Variants in DCP1B observed in about 807,000 individuals in gnomAD.
DCP1B encodes mRNA-decapping enzyme 1B.
DCP1B carries 47 observed loss-of-function variants against 60.5 expected under a neutral mutation model. The ratio of observed to expected loss-of-function variants is 0.78; its 90% CI spans 0.61 to 0.99. The LOEUF (loss-of-function observed/expected upper bound fraction) is 0.99, where lower values mean the gene tolerates loss of function less well. Among genes scored for constraint, DCP1B ranks in the 50% least tolerant of loss-of-function variants. DCP1B has a pLI of 0.00. For synonymous variants in DCP1B, 267 were observed against 280.3 expected, an observed-to-expected ratio of 0.95 and a Z score of 0.47; for missense variants, 725 against 756.8, an observed-to-expected ratio of 0.96 and a Z score of 0.49.
At chr12:1,944,415 C>T (rs1253437501), downstream of DCP1B, among the ~76,000 whole-genome samples, 1 of 152,130 alleles carries the variant, frequency 6.6e-6, no homozygotes, top group African/African-American at 2.4e-5. Flanking sequence ...ACTTTCTTCA[C>T]AGAATTAGAA....
chr12:1,966,455 C>T (rs2031298108), intron 4 of DCP1B, among the ~76,000 whole-genome samples: 11 of 152,180 alleles, frequency 7.2e-5, no homozygotes, highest in Admixed American at 7.2e-4. Context: ...TAACTTTCAG[C>T]TCACATTCTT....
chr12:2,002,032 A>G (rs1039520471), intron 1 of DCP1B, among the ~76,000 whole-genome samples: 1 of 152,254 alleles, frequency 6.6e-6, no homozygotes, highest in Non-Finnish European at 1.5e-5. Flanking sequence ...TCCTGGCAAC[A>G]GGGAGTAGGT....
intron 7 of DCP1B, among the ~76,000 whole-genome samples, chr12:1,951,379 A>G (rs2030664311): frequency 2.0e-5 from 3 of 152,248 alleles, no homozygotes; most frequent in South Asian, 4.1e-4. Flanking sequence ...TGTACTTTCA[A>G]TGAATGTGTT....
In DCP1B at chr12:1,962,430, T is replaced by C. The variant is rs1198748754; in HGVS notation, c.522+3128A>G. On this transcript the variant is annotated intron_variant, in intron 5 of 8. Coordinates refer to ENST00000280665, the MANE Select transcript of DCP1B (RefSeq NM_152640.5). This position sits in a 1 kb window ranked among gnomAD's most constrained non-coding sequence, Gnocchi z 4.4. ...TAAAAAACAGAAACAATACAAGGTA[T>C]GTGTGTGTTGAGAGGAGGGAGGGAA... Among the ~76,000 whole-genome samples the C allele has an allele frequency of 2.0e-5, 3 of 152,156 alleles. No individual in the cohort carries two copies. The highest frequency in any genetic ancestry group is 4.4e-5 in the Non-Finnish European group (3 of 68,022).
rs1053154019 is a variant in DCP1B at position 1,964,182 on chromosome 12, AT to A, written c.522+1375del. On this transcript the variant is annotated intron_variant, in intron 5 of 8. Transcript: ENST00000280665. ...AGCAGCGGGCTTTGAAGTCACTCTA[AT>A]TTTTTTTCTAAGTAATTATGTGACA... Among the ~76,000 whole-genome samples the A allele has an allele frequency of 6.6e-5, 10 of 152,170 alleles. No individual in the cohort carries two copies. The South Asian group carries it at 1.2e-3, about 19-fold the overall frequency.
intron 3 of DCP1B, among the ~76,000 whole-genome samples, chr12:1,972,256 A>G (rs1055577992): frequency 1.3e-5 from 2 of 152,242 alleles, no homozygotes; most frequent in Non-Finnish European, 2.9e-5. Flanking sequence ...TCTTCCTCAC[A>G]AGAGTAGAAT....
chr12:1,946,462 C>T (rs563757375), intron 8 of DCP1B, among the ~76,000 whole-genome samples, 176 bp from the exon 9 acceptor site: 7 of 152,306 alleles, frequency 4.6e-5, no homozygotes, highest in South Asian at 2.1e-4. Flanking sequence ...ACGGCAAGGC[C>T]GGACAGAGCT....
chr12:1,951,873 G>A (rs1447530483), intron 7 of DCP1B, among the ~76,000 whole-genome samples: 1 of 152,166 alleles, frequency 6.6e-6, no homozygotes, highest in Non-Finnish European at 1.5e-5. Flanking sequence ...TGATTTCAAG[G>A]CAGACCATAC....
downstream of DCP1B, among the ~76,000 whole-genome samples, chr12:1,942,495 T>G (rs949148074): frequency 6.6e-6 from 1 of 152,246 alleles, no homozygotes; most frequent in Non-Finnish European, 1.5e-5. Flanking sequence ...TACATTCTTC[T>G]CAGTACCACA....
intron 3 of DCP1B, among the ~76,000 whole-genome samples, chr12:1,969,661 C>A (rs1392392985): frequency 2.7e-5 from 4 of 149,754 alleles, no homozygotes; most frequent in African/African-American, 9.8e-5. Context: ...TATCTTGAAA[C>A]TTCATATTCA....
In DCP1B at chr12:1,946,179, G is replaced by C. The variant is rs370972057; in HGVS notation, c.*27C>G. 5 of 1,537,556 alleles carry C rather than the reference G, an allele frequency of 3.3e-6. No homozygotes were observed. In the African/African-American group the frequency reaches 7.0e-5, roughly 21 times the overall value. On this transcript the variant is annotated 3_prime_UTR_variant, in exon 9 of 9. Coordinates refer to ENST00000280665, the MANE Select transcript of DCP1B (RefSeq NM_152640.5). ...TGTGCCGGAGTTCTAGAAGGACCTT[G>C]AAAATCAGTTTTAAAAGGCCTTGCT... is the stretch of plus-strand genomic sequence containing the variant.
At chr12:1,987,006 G>A (rs1454464623) in intron 3 of DCP1B, among the ~76,000 whole-genome samples, 3 of 152,076 alleles carry the variant, frequency 2.0e-5, no homozygotes, top group Admixed American at 6.6e-5. Flanking sequence ...ATAGAAGTGG[G>A]GATAGAACGA....
chr12:1,965,652 C>T lies in DCP1B; in HGVS notation c.428G>A (p.Gly143Glu), dbSNP rs774573624. The T allele has an allele frequency of 4.3e-6, 7 of 1,613,970 alleles. No individual in the cohort carries two copies. The highest frequency in any genetic ancestry group is 5.9e-6 in the Non-Finnish European group (7 of 1,179,906). ...GAGGATCACTGGGGAAATTCCTGCT[C>T]CAGTTCCCTGATGGGCTTTCAACTG... ...YEQLKAHQGT[G>E]AGISPVILNS... Residue 143 changes from glycine to glutamate, a missense_variant, in exon 5 of 9, where the codon GGA (glycine) becomes GAA (glutamate). By Grantham distance (98) the Gly-to-Glu change is moderately conservative. Transcript: ENST00000280665.
chr12:1,983,504 T>G (rs1455563557), intron 3 of DCP1B, among the ~76,000 whole-genome samples: 1 of 152,080 alleles, frequency 6.6e-6, no homozygotes, highest in Admixed American at 6.5e-5. Context: ...AGTATGCTGT[T>G]TAATTTCCAA....
chr12:1,990,736 A>G (rs1000246888), intron 3 of DCP1B, among the ~76,000 whole-genome samples: 3 of 152,198 alleles, frequency 2.0e-5, no homozygotes, highest in Non-Finnish European at 4.4e-5. Context: ...TCCTGAGTAA[A>G]GCTGAGTTCC....
downstream of DCP1B, among the ~76,000 whole-genome samples, chr12:1,943,329 T>C (rs989595604): frequency 4.6e-5 from 7 of 152,006 alleles, no homozygotes; most frequent in Admixed American, 1.3e-4. Flanking sequence ...CAGGACCAGA[T>C]GGATTCACAG....
intron 3 of DCP1B, among the ~76,000 whole-genome samples, chr12:1,976,830 T>C (rs2034518250): frequency 7.4e-6 from 1 of 135,418 alleles, no homozygotes; most frequent in Non-Finnish European, 1.5e-5. Context: ...CAAGCAAATA[T>C]ATTTGAGGAA....
In DCP1B at chr12:1,973,610, T is replaced by C. The variant is rs181099704; in HGVS notation, c.320-5700A>G. Among the ~76,000 whole-genome samples the C allele has an allele frequency of 3.4e-3, 514 of 152,322 alleles. 1 individual carries two copies. Among genetic ancestry groups the C allele is most frequent in the Middle Eastern group, 0.014 (4 of 294 alleles). On this transcript the variant is annotated intron_variant, in intron 3 of 8. Transcript: ENST00000280665. ...TCATCATCTTCCTAAACTGGGAACC[T>C]TGAGGTCATCTACTACCCTCAGGTT...
At chr12:1,965,409 A>T in intron 5 of DCP1B, 149 bp downstream of exon 5, 1 of 1,052,234 alleles carries the variant, frequency 9.5e-7, no homozygotes. Flanking sequence ...CTTATAAAAA[A>T]TCTATATTAC....
Sources: allele counts gnomAD v4.1 joint callset (sites outside exome capture counted in the v4.1 genomes callset), GRCh38; gene constraint gnomAD v4.1.1; non-coding constraint Gnocchi (gnomAD v3.1); transcripts MANE v1.5; gene names NCBI Gene and HGNC (gene_info 2026-07-23, HGNC 2026-07-21).